Variants in PATL1 observed in about 807,000 individuals in gnomAD.
The protein encoded by PATL1 is PAT1 homolog 1, processing body mRNA decay factor.
A neutral mutation model predicts 100.6 loss-of-function variants in PATL1; 32 were observed. The ratio of observed to expected loss-of-function variants is 0.32; its 90% confidence interval spans 0.24 to 0.43. The LOEUF is 0.43. PATL1 is among the 20% of genes least tolerant of loss of function. PATL1 has a pLI of 1.00. For synonymous variants in PATL1, 332 were observed against 330.0 expected, an observed-to-expected ratio of 1.01 and a Z score of -0.07; for missense variants, 747 against 949.9, an observed-to-expected ratio of 0.79 and a Z score of 2.81.
At chr11:59,653,169 T>A (rs947797034) in intron 9 of PATL1, among the ~76,000 whole-genome samples, 151 bp from the exon 10 acceptor site, 1 of 151,858 alleles carries the variant, frequency 6.6e-6, no homozygotes, top group East Asian at 1.9e-4. Context: ...TAAGTCTTAA[T>A]AGAATTTAAG....
intron 8 of PATL1, among the ~76,000 whole-genome samples, chr11:59,654,606 G>T (rs1861498878): frequency 6.6e-6 from 1 of 151,782 alleles, no homozygotes; most frequent in African/African-American, 2.4e-5. Flanking sequence ...CATGAAATCT[G>T]AGTGAATTAG....
intron 11 of PATL1, among the ~76,000 whole-genome samples, chr11:59,652,089 A>AAAAG: frequency 6.9e-6 from 1 of 145,460 alleles, no homozygotes; most frequent in Non-Finnish European, 1.5e-5. Flanking sequence ...AAAAAAAAAA[A>AAAAG]AAAGACAAAA....
intron 2 of PATL1, among the ~76,000 whole-genome samples, chr11:59,663,483 C>T (rs188707983): frequency 2.4e-4 from 37 of 152,222 alleles, no homozygotes; most frequent in Admixed American, 1.5e-3. Context: ...TAGTAGTTTA[C>T]AGTAATTGTG....
At chr11:59,655,443 C>A in intron 8 of PATL1, 80 bp downstream of exon 8, 1 of 1,251,422 alleles carries the variant, frequency 8.0e-7, no homozygotes, top group South Asian at 1.6e-5. Flanking sequence ...TAGCAAATAT[C>A]AAGAGACTTA....
intron 4 of PATL1, among the ~76,000 whole-genome samples, chr11:59,658,026 T>C (rs145153947): frequency 7.9e-4 from 120 of 151,708 alleles, no homozygotes; most frequent in African/African-American, 2.5e-3. Context: ...AAGCCAGGCA[T>C]GGTGGCATGC....
chr11:59,643,919 A>C (rs1861325432), intron 15 of PATL1, among the ~76,000 whole-genome samples: 1 of 152,200 alleles, frequency 6.6e-6, no homozygotes, highest in Admixed American at 6.5e-5. Flanking sequence ...AGCCAACTGG[A>C]AAGTTAAAAT....
intron 18 of PATL1, 118 bp from the exon 19 acceptor site, chr11:59,638,529 T>C: frequency 2.1e-6 from 2 of 958,426 alleles, no homozygotes; most frequent in Non-Finnish European, 3.2e-6. Flanking sequence ...CGAGATTATT[T>C]CTCTACCCTT....
chr11:59,656,467 T>G, intron 6 of PATL1, 32 bp downstream of exon 6: 1 of 1,546,600 alleles, frequency 6.5e-7, no homozygotes, highest in Non-Finnish European at 8.9e-7. Flanking sequence ...AAATACATAC[T>G]GCACATTTTT....
chr11:59,650,809 G>T lies in PATL1; in HGVS notation c.1529C>A (p.Thr510Lys), dbSNP rs1250857304. The T allele has an allele frequency of 6.5e-7, 1 of 1,548,164 alleles. No individual in the cohort carries two copies. The highest frequency in any genetic ancestry group is 8.7e-7 in the Non-Finnish European group (1 of 1,143,264). The change falls in exon 13 of 19, where the codon ACA becomes AAA. Residue 510 changes from threonine to lysine, a missense_variant. Thr to Lys is a moderately conservative substitution (Grantham distance 78). Transcript: ENST00000300146. ...VVTSRSEDDETKEKQVRDKRR... is the reference protein window; with the variant it reads ...VVTSRSEDDEKKEKQVRDKRR... The stretch of plus-strand genomic sequence containing the variant: ...CTTGTCTCGAACTTGTTTTTCTTTT[G>T]TCTCCTAAAAAAGAGAAGACTATTC...
rs182020966 is a variant in PATL1, at chr11:59,644,173, T to C, written c.1894-1138A>G. ...TGACATTCATGTACTCACCACCCAATTTCAACATCAACCAAATTATCAACA... is the reference window on the plus strand; with the variant it reads ...TGACATTCATGTACTCACCACCCAACTTCAACATCAACCAAATTATCAACA... On this transcript the variant is annotated intron_variant, in intron 15 of 18. Coordinates refer to ENST00000300146, the MANE Select transcript of PATL1 (RefSeq NM_152716.3). 5.3e-5 allele frequency among the ~76,000 whole-genome samples: 8 copies of C among 152,292 alleles called. No homozygotes were observed. The East Asian group carries it at 5.8e-4, about 11-fold the overall frequency.
intron 2 of PATL1, 21 bp from the exon 3 acceptor site, chr11:59,659,490 T>C (rs1302047250): frequency 6.5e-7 from 1 of 1,544,346 alleles, no homozygotes; most frequent in Non-Finnish European, 8.7e-7. Context: ...ACACAGTTCA[T>C]GTAAGAAATA....
intron 16 of PATL1, among the ~76,000 whole-genome samples, chr11:59,640,329 G>A (rs1177170568): frequency 1.5e-5 from 2 of 137,434 alleles, no homozygotes; most frequent in Admixed American, 7.4e-5. Context: ...CAACACGAGT[G>A]AAACTCCATC....
chr11:59,662,195 GTTGTGGTAAGGGATTCC>G (rs1861635595), intron 2 of PATL1, among the ~76,000 whole-genome samples: 1 of 152,190 alleles, frequency 6.6e-6, no homozygotes, highest in Non-Finnish European at 1.5e-5. Flanking sequence ...TTATGTATTA[GTTGTGGTAAGGGATTCC>G]TTAAGTTGTG....
intron 1 of PATL1, among the ~76,000 whole-genome samples, chr11:59,668,551 C>A (rs1193110844): frequency 2.6e-5 from 4 of 151,364 alleles, no homozygotes; most frequent in Non-Finnish European, 5.9e-5. Context: ...AGAAAAGCAC[C>A]CGGGGAGATG....
At chr11:59,643,944 A>G (rs1286472595) in intron 15 of PATL1, among the ~76,000 whole-genome samples, 1 of 152,224 alleles carries the variant, frequency 6.6e-6, no homozygotes, top group African/African-American at 2.4e-5. Context: ...AACTATTAAT[A>G]TAAATAACTA....
At position 59,657,726 on chromosome 11, in the gene PATL1, TAATTGAG is replaced by T; in HGVS notation, c.427-9_427-3del. 1 of 1,559,104 alleles carries T rather than the reference TAATTGAG, an allele frequency of 6.4e-7. No individual in the cohort carries two copies. Among genetic ancestry groups the T allele is most frequent in the Non-Finnish European group, 8.7e-7 (1 of 1,144,984 alleles). On this transcript the variant is annotated splice_polypyrimidine_tract_variant and splice_region_variant and intron_variant, in intron 4 of 18. Coordinates refer to ENST00000300146, the MANE Select transcript of PATL1 (RefSeq NM_152716.3). ...TAATACAGACACTGTAGGCATTTCC[TAATTGAG>T]GAAGTGGTAAAATAAAATAGAAATT...
intron 16 of PATL1, among the ~76,000 whole-genome samples, chr11:59,640,490 C>T (rs1003957076): frequency 2.0e-5 from 3 of 151,702 alleles, no homozygotes; most frequent in Non-Finnish European, 4.4e-5. Context: ...GAGGCCAAGG[C>T]GGGTGGATCA....
intron 14 of PATL1, 21 bp from the exon 15 acceptor site, chr11:59,647,934 A>G: frequency 1.3e-6 from 2 of 1,577,258 alleles, no homozygotes; most frequent in Non-Finnish European, 1.7e-6. Flanking sequence ...GAAAAATGCC[A>G]GCTTAGGTCA....
rs1399192613 is a variant in PATL1, at chr11:59,655,591, A to C, written c.963T>G (p.Ala321=). ...PAPGFRAFFS[A]PPSATPPPQQ... is the part of the protein sequence containing the mutation. ...GTGGAGGTGGTGTAGCGGAGGGTGG[A>C]GCACTAAAGAAGGCACGGAAGCCTG... Residue 321 remains alanine, a synonymous_variant, in exon 8 of 19, where the codon GCT becomes GCG. Transcript: ENST00000300146. 1 of 1,590,802 alleles carries C rather than the reference A, an allele frequency of 6.3e-7. No homozygotes were observed. The highest frequency in any genetic ancestry group is 8.6e-7 in the Non-Finnish European group (1 of 1,168,456).
Sources: gnomAD v4.1 joint callset for allele counts (sites outside exome capture counted in the v4.1 genomes callset) on GRCh38, gnomAD v4.1.1 for gene constraint, MANE v1.5 for transcripts, NCBI Gene and HGNC (gene_info 2026-07-23, HGNC 2026-07-21) for gene names.